The following TRIM9 variants were observed in gnomAD, a reference collection of about 807,000 sequenced individuals.
TRIM9 encodes the protein E3 ubiquitin-protein ligase TRIM9.
In TRIM9, 26 loss-of-function variants were observed where a neutral mutation model predicts 78.3. The observed-to-expected ratio is 0.33, with a 90% CI of 0.24 to 0.46. TRIM9 has a LOEUF of 0.46. TRIM9 is among the 20% of genes least tolerant of loss of function. TRIM9 has a pLI of 1.00. For missense variants in TRIM9, 787 were observed against 1,036.4 expected (o/e 0.76, Z 3.30); for synonymous variants, 398 against 416.5 (o/e 0.96, Z 0.54).
At position 50,976,145 on chromosome 14, in the gene TRIM9, G is replaced by A. The variant is rs1317317564; in HGVS notation, c.*1146C>T. The A allele has an allele frequency of 3.3e-5, 5 of 152,326 alleles. No individual in the cohort carries two copies. Among genetic ancestry groups the A allele is most frequent in the South Asian group, 2.1e-4 (1 of 4,818 alleles). The allele number at this position is 152,326 out of a possible 1,614,324, so 9.4% of individuals were successfully genotyped here. ...TTTTTCAACTGTCAATTTTTAAGGC[G>A]TGGTATCATAGCAGCATCAGCAAAT... On this transcript the variant is annotated 3_prime_UTR_variant, in exon 13 of 13. Transcript: ENST00000684578.
At chr14:51,050,687 C>T (rs557924920) in intron 1 of TRIM9, among the ~76,000 whole-genome samples, 3 of 152,294 alleles carry the variant, frequency 2.0e-5, no homozygotes, top group Admixed American at 2.0e-4. Context: ...GAAGCCAGGT[C>T]ATAACAAGAA....
At chr14:51,080,756 CAAG>C (rs1234178872) in intron 1 of TRIM9, among the ~76,000 whole-genome samples, 1 of 152,132 alleles carries the variant, frequency 6.6e-6, no homozygotes, top group East Asian at 1.9e-4. Context: ...CCAAAGATGA[CAAG>C]AACCTTATGA....
chr14:51,035,080 C>T (rs1218241376), intron 1 of TRIM9, among the ~76,000 whole-genome samples: 1 of 152,146 alleles, frequency 6.6e-6, no homozygotes, highest in African/African-American at 2.4e-5. Context: ...AGATATATGA[C>T]ATGACAAATT....
chr14:51,094,356 A>C lies in TRIM9; in HGVS notation c.584T>G (p.Leu195Arg). ...CDVFYCDPCR[L>R]RCHPPRGPLA... ...GGGCCCCCGGGGCGGGTGGCAGCGC[A>C]GGCGGCACGGATCGCAGTAGAAGAC... Residue 195 changes from leucine to arginine, a missense_variant, in exon 1 of 13, where the codon CTG (leucine) becomes CGG (arginine). This residue lies in a region of TRIM9 where 352 missense variants were observed against 472.3 expected (regional missense o/e 0.75). Transcript: ENST00000684578. The C allele has an allele frequency of 6.2e-7, 1 of 1,613,664 alleles. No individual in the cohort carries two copies. The highest frequency in any genetic ancestry group is 8.5e-7 in the Non-Finnish European group (1 of 1,179,870).
At chr14:51,082,339 G>C (rs554946757) in intron 1 of TRIM9, among the ~76,000 whole-genome samples, 12 of 152,282 alleles carry the variant, frequency 7.9e-5, no homozygotes, top group Non-Finnish European at 1.3e-4. Flanking sequence ...TAGCCAAAAA[G>C]TGGAAGTAAC....
At position 50,979,435 on chromosome 14, in the gene TRIM9, G is replaced by A. The variant is rs544855477; in HGVS notation, c.2277C>T (p.Asn759=). ...CCGCAGGGAAGAAGAGGCCCTCCAC[G>A]TTATCAAATGCTATGGGACCTTGTT... ...DEQQGPIAFD[N]VEGLFFPAVS... The change falls in exon 12 of 13, where the codon AAC becomes AAT. Residue 759 remains asparagine (N), a synonymous_variant. Transcript: ENST00000684578. 3.1e-6 allele frequency: 5 copies of A among 1,614,152 alleles called. No individual in the cohort carries two copies. The highest frequency in any genetic ancestry group is 2.2e-5 in the South Asian group (2 of 91,080).
intron 3 of TRIM9, among the ~76,000 whole-genome samples, chr14:51,015,760 C>T (rs1033134436): frequency 6.6e-6 from 1 of 151,974 alleles, no homozygotes; most frequent in African/African-American, 2.4e-5. Flanking sequence ...CCAGCCTTGG[C>T]CCCCCAAAGC....
At chr14:51,043,355 C>T (rs2059706963) in intron 1 of TRIM9, among the ~76,000 whole-genome samples, 1 of 151,986 alleles carries the variant, frequency 6.6e-6, no homozygotes, top group South Asian at 2.1e-4. Flanking sequence ...CAAAGGGGGT[C>T]GGCGGGGAAT....
chr14:50,982,308 T>A (rs2052049682), intron 10 of TRIM9: 1 of 604,510 alleles, frequency 1.7e-6, no homozygotes, highest in South Asian at 2.0e-5. Flanking sequence ...ACACGACCGA[T>A]TCAGCAGGGG....
intron 12 of TRIM9, 179 bp downstream of exon 12, chr14:50,979,206 TGC>T: frequency 6.9e-7 from 1 of 1,457,278 alleles, no homozygotes; most frequent in Non-Finnish European, 9.1e-7. Flanking sequence ...AAGGTGCTTA[TGC>T]TTGGCGTGGA....
chr14:51,010,303 T>G (rs1442836722), intron 4 of TRIM9, 81 bp downstream of exon 4: 16 of 1,098,452 alleles, frequency 1.5e-5, no homozygotes, highest in Middle Eastern at 2.0e-4. Context: ...CACCCAGGGC[T>G]GTTGGAAGTC....
At chr14:50,988,695 T>C (rs995527394) in intron 7 of TRIM9, among the ~76,000 whole-genome samples, 7 of 151,804 alleles carry the variant, frequency 4.6e-5, no homozygotes, top group Non-Finnish European at 8.8e-5. Context: ...TACCTTGCAA[T>C]GAGAACTTTT....
intron 11 of TRIM9, among the ~76,000 whole-genome samples, chr14:50,980,352 A>G (rs957658254): frequency 6.6e-6 from 1 of 152,182 alleles, no homozygotes; most frequent in African/African-American, 2.4e-5. Context: ...ATGGACGATC[A>G]GATTTGTCTT....
intron 1 of TRIM9, among the ~76,000 whole-genome samples, chr14:51,072,928 C>T: frequency 6.6e-6 from 1 of 152,172 alleles, no homozygotes; most frequent in Middle Eastern, 3.4e-3. Flanking sequence ...CTGATTAGTA[C>T]CTCTGGCTCT....
intron 5 of TRIM9, among the ~76,000 whole-genome samples, chr14:51,002,262 C>T (rs574484812): frequency 1.3e-5 from 2 of 151,570 alleles, no homozygotes; most frequent in South Asian, 2.1e-4. Context: ...GCTGGGACTA[C>T]AGGCCCCTGC....
At chr14:51,061,302 A>T (rs1437311041) in intron 1 of TRIM9, among the ~76,000 whole-genome samples, 4 of 151,866 alleles carry the variant, frequency 2.6e-5, no homozygotes, top group Admixed American at 6.6e-5. Context: ...AATCCCAGCT[A>T]CTCAGGAGGC....
In TRIM9 at chr14:50,979,396, C is replaced by G; in HGVS notation, c.2316G>C (p.Arg772Ser). ...GLFFPAVSLN[R>S]NVQVTLHTGL... Reference sequence around the variant, plus strand: ...GGGGCAGGGTGCTTACCTGCACGTTCCTGTTCAGGCTGACCGCAGGGAAGA... The same window carrying G: ...GGGGCAGGGTGCTTACCTGCACGTTGCTGTTCAGGCTGACCGCAGGGAAGA... The change falls in exon 12 of 13, where the codon AGG (arginine) becomes AGC (serine). Residue 772 changes from arginine to serine, a missense_variant. Physicochemically the swap from Arg to Ser is moderately radical, Grantham distance 110. Around this residue, in one of 3 missense-constraint regions of TRIM9, gnomAD observed 421 missense variants for 514.3 expected, o/e 0.82. Transcript: ENST00000684578. 1 of 1,614,184 alleles carries G rather than the reference C, an allele frequency of 6.2e-7. No individual in the cohort carries two copies. The highest frequency in any genetic ancestry group is 1.1e-5 in the South Asian group (1 of 91,074).
At chr14:51,024,856 G>T (rs538338209) in intron 2 of TRIM9, among the ~76,000 whole-genome samples, 2 of 151,486 alleles carry the variant, frequency 1.3e-5, no homozygotes, top group Admixed American at 1.3e-4. Flanking sequence ...GGAAATGAAG[G>T]AAGAAAAGAA....
chr14:51,049,602 T>TCAC (rs2140061798), intron 1 of TRIM9, among the ~76,000 whole-genome samples: 1 of 151,320 alleles, frequency 6.6e-6, no homozygotes, highest in South Asian at 2.1e-4. Flanking sequence ...CCGAGAGGGG[T>TCAC]GGATCATGAG....
Sources: allele counts gnomAD v4.1 joint callset (sites outside exome capture counted in the v4.1 genomes callset), GRCh38; gene constraint gnomAD v4.1.1; regional missense constraint gnomAD v4.1.1; transcripts MANE v1.5; gene names NCBI Gene and HGNC (gene_info 2026-07-23, HGNC 2026-07-21).